The following NKAIN2 variants were observed in gnomAD, a reference collection of about 807,000 sequenced individuals.
NKAIN2 encodes sodium/potassium-transporting ATPase subunit beta-1-interacting protein 2.
A neutral mutation model predicts 32.6 loss-of-function variants in NKAIN2; 14 were observed. The ratio of observed to expected loss-of-function variants is 0.43; its 90% CI spans 0.28 to 0.67. The LOEUF (loss-of-function observed/expected upper bound fraction) is 0.67. Among genes scored for constraint, NKAIN2 ranks in the 30% least tolerant of loss-of-function variants. The probability of loss-of-function intolerance (pLI) is 0.17; values close to 1 mark genes in which losing one functional copy is unlikely to be tolerated. For missense variants in NKAIN2, 198 were observed against 258.3 expected (o/e 0.77, Z 1.60); for synonymous variants, 80 against 87.2 (o/e 0.92, Z 0.46).
chr6:124,284,350 T>C lies in NKAIN2; in HGVS notation c.192+1208T>C, dbSNP rs530213030. 2.0e-5 allele frequency among the ~76,000 whole-genome samples: 3 copies of C among 152,306 alleles called. No homozygotes were observed. In the East Asian group the frequency reaches 5.8e-4, roughly 29 times the overall value. On this transcript the variant is annotated intron_variant, in intron 2 of 6. Transcript: ENST00000368417. ...TGAAGTCATAATATCAAGATTGGAA[T>C]CTTCGATCTGCCAAATTCTGTGTGA... is the stretch of plus-strand genomic sequence containing the variant.
intron 4 of NKAIN2, among the ~76,000 whole-genome samples, chr6:124,744,013 T>G (rs2114695428): frequency 6.6e-6 from 1 of 152,026 alleles, no homozygotes; most frequent in African/African-American, 2.4e-5. Context: ...TGATCAGTTA[T>G]GTTTTCAAAA....
chr6:123,886,575 T>A (rs1265758810), intron 1 of NKAIN2, among the ~76,000 whole-genome samples: 1 of 152,114 alleles, frequency 6.6e-6, no homozygotes, highest in Non-Finnish European at 1.5e-5. Context: ...ACTGAACTAA[T>A]GAAAATTGCT....
At chr6:124,460,611 A>G (rs966339033) in intron 3 of NKAIN2, among the ~76,000 whole-genome samples, 1 of 151,734 alleles carries the variant, frequency 6.6e-6, no homozygotes, top group African/African-American at 2.4e-5. Context: ...TCTGTTCACC[A>G]TTCCTTTACA....
chr6:124,680,799 AT>A (rs1562320942), intron 4 of NKAIN2, among the ~76,000 whole-genome samples: 1 of 152,022 alleles, frequency 6.6e-6, no homozygotes, highest in Non-Finnish European at 1.5e-5. Context: ...TTGTAAGCAA[AT>A]TTTAAAGTGA....
chr6:124,682,787 A>ATGT (rs1773684566), intron 4 of NKAIN2, among the ~76,000 whole-genome samples: 1 of 152,166 alleles, frequency 6.6e-6, no homozygotes, highest in Non-Finnish European at 1.5e-5. Context: ...CTATAAAACA[A>ATGT]CGTCTTTTTT....
intron 1 of NKAIN2, among the ~76,000 whole-genome samples, chr6:123,950,479 T>C (rs898398948): frequency 1.3e-5 from 2 of 152,018 alleles, no homozygotes; most frequent in Non-Finnish European, 2.9e-5. Flanking sequence ...GTCTAATTAC[T>C]CATTTCTCAT....
chr6:124,121,183 T>G (rs1785861844), intron 1 of NKAIN2, among the ~76,000 whole-genome samples: 1 of 152,120 alleles, frequency 6.6e-6, no homozygotes, highest in Non-Finnish European at 1.5e-5. Flanking sequence ...CCCTGCCATC[T>G]TGTGTATAAT....
chr6:124,396,647 T>C (rs1773396095), intron 3 of NKAIN2, among the ~76,000 whole-genome samples: 2 of 152,130 alleles, frequency 1.3e-5, no homozygotes, highest in South Asian at 4.1e-4. Flanking sequence ...AGAGTATGTT[T>C]CAGCAATTCA....
At chr6:124,736,302 C>T (rs1270966447) in intron 4 of NKAIN2, among the ~76,000 whole-genome samples, 1 of 151,848 alleles carries the variant, frequency 6.6e-6, no homozygotes, top group African/African-American at 2.4e-5. Context: ...AGGTTTAAGG[C>T]AAGAAGCCAT....
intron 1 of NKAIN2, among the ~76,000 whole-genome samples, chr6:124,155,713 T>A (rs1276099912): frequency 6.6e-6 from 1 of 152,036 alleles, no homozygotes; most frequent in Non-Finnish European, 1.5e-5. Context: ...AGAAGCAGAT[T>A]ATGCTGCTGA....
chr6:124,637,726 A>C (rs1295430307), intron 3 of NKAIN2, among the ~76,000 whole-genome samples: 1 of 152,098 alleles, frequency 6.6e-6, no homozygotes, highest in Non-Finnish European at 1.5e-5. Context: ...GATCTCTACA[A>C]TGAAACAGTA....
intron 1 of NKAIN2, among the ~76,000 whole-genome samples, chr6:123,897,231 A>T (rs1246224085): frequency 6.6e-6 from 1 of 152,032 alleles, no homozygotes; most frequent in East Asian, 1.9e-4. Context: ...AAGCATCCAT[A>T]CTGCTTTGCA....
chr6:124,357,298 T>C (rs1200474190), intron 3 of NKAIN2, among the ~76,000 whole-genome samples: 1 of 152,168 alleles, frequency 6.6e-6, no homozygotes, highest in Non-Finnish European at 1.5e-5. Flanking sequence ...CTGTACTGGG[T>C]TTTTCCTCTC....
At chr6:124,662,322 T>C (rs60338893) in intron 4 of NKAIN2, among the ~76,000 whole-genome samples, 31,086 of 150,670 alleles carry the variant, frequency 0.21, 3,349 homozygotes, top group East Asian at 0.34. Context: ...TATATATATG[T>C]AAGCTTTCTG....
chr6:124,817,417 A>G (rs1407952530), intron 5 of NKAIN2, among the ~76,000 whole-genome samples: 2 of 152,092 alleles, frequency 1.3e-5, no homozygotes, highest in Non-Finnish European at 2.9e-5. Flanking sequence ...CTGATACATT[A>G]GTTATACTGT....
chr6:124,776,750 T>C (rs1460699842), intron 4 of NKAIN2, among the ~76,000 whole-genome samples: 1 of 152,150 alleles, frequency 6.6e-6, no homozygotes, highest in African/African-American at 2.4e-5. Flanking sequence ...AAAAGTATGG[T>C]TTCCACTGTT....
intron 1 of NKAIN2, among the ~76,000 whole-genome samples, chr6:124,125,035 C>T (rs776624259): frequency 6.6e-6 from 1 of 152,094 alleles, no homozygotes; most frequent in Non-Finnish European, 1.5e-5. Flanking sequence ...AATAGGAGGC[C>T]GTACTTATTT....
chr6:124,707,013 C>T (rs1775120713), intron 4 of NKAIN2, among the ~76,000 whole-genome samples: 1 of 144,022 alleles, frequency 6.9e-6, no homozygotes, highest in South Asian at 2.3e-4. Flanking sequence ...ACCACAGTCC[C>T]CAAAGTGTGA....
At chr6:124,301,799 T>C (rs542819573) in intron 2 of NKAIN2, among the ~76,000 whole-genome samples, 4 of 152,342 alleles carry the variant, frequency 2.6e-5, no homozygotes, top group Non-Finnish European at 5.9e-5. Flanking sequence ...CCAATGCCCA[T>C]AAGCCCATTT....
Sources: allele counts gnomAD v4.1 joint callset (sites outside exome capture counted in the v4.1 genomes callset), GRCh38; gene constraint gnomAD v4.1.1; transcripts MANE v1.5; gene names NCBI Gene and HGNC (gene_info 2026-07-23, HGNC 2026-07-21).